The following PCDHA6 variants were observed in gnomAD, a reference collection of about 807,000 sequenced individuals.
PCDHA6 encodes the protein protocadherin alpha-6.
PCDHA6 carries 55 observed loss-of-function variants against 60.3 expected under a neutral mutation model. The ratio of observed to expected loss-of-function variants is 0.91; its 90% confidence interval spans 0.73 to 1.14. The LOEUF (loss-of-function observed/expected upper bound fraction) is 1.14. PCDHA6 is among the 50% of genes most tolerant of loss of function. The pLI, the probability that PCDHA6 is intolerant of heterozygous loss-of-function variation, is 0.00. For missense variants in PCDHA6, 1,327 were observed against 1,256.5 expected (o/e 1.06, Z -0.85); for synonymous variants, 652 against 557.9 (o/e 1.17, Z -2.38).
chr5:140,831,691 CA>C (rs1278629646), intron 1 of PCDHA6, among the ~76,000 whole-genome samples: 1 of 152,020 alleles, frequency 6.6e-6, no homozygotes, highest in Non-Finnish European at 1.5e-5. Context: ...TGAAAAGCAG[CA>C]AAAAGTAGTG....
chr5:140,858,019 G>A (rs377389644), intron 1 of PCDHA6: 1 of 1,596,850 alleles, frequency 6.3e-7, no homozygotes, highest in Non-Finnish European at 8.6e-7. Flanking sequence ...GCGAGCCGTC[G>A]CTGACGGCCA....
intron 1 of PCDHA6, among the ~76,000 whole-genome samples, chr5:140,961,519 A>G (rs246002): frequency 0.56 from 85,694 of 152,068 alleles, 24,757 homozygotes; most frequent in African/African-American, 0.69. Flanking sequence ...ATGTCTCCAC[A>G]AATTCTAGAT....
At chr5:140,957,531 G>A (rs2095365025) in intron 1 of PCDHA6, among the ~76,000 whole-genome samples, 1 of 152,080 alleles carries the variant, frequency 6.6e-6, no homozygotes, top group Non-Finnish European at 1.5e-5. Flanking sequence ...ATTCAGTGGG[G>A]ATCTTAGAAA....
intron 1 of PCDHA6, chr5:140,926,622 G>A: frequency 2.5e-6 from 1 of 396,424 alleles, no homozygotes. Context: ...CCCCTAGGCG[G>A]CGCTGCGCTC....
intron 1 of PCDHA6, among the ~76,000 whole-genome samples, chr5:140,890,187 CAG>C (rs2062529084): frequency 1.3e-5 from 2 of 152,228 alleles, no homozygotes; most frequent in South Asian, 4.1e-4. Context: ...TGCTACAAAA[CAG>C]AGTTTTTTGT....
intron 1 of PCDHA6, chr5:140,870,188 C>T: frequency 6.2e-7 from 1 of 1,614,142 alleles, no homozygotes; most frequent in Non-Finnish European, 8.5e-7. Flanking sequence ...CGAGAGGACG[C>T]TCAGCCCAGC....
chr5:140,968,203 G>A, intron 1 of PCDHA6: 5 of 1,614,018 alleles, frequency 3.1e-6, no homozygotes, highest in Non-Finnish European at 4.2e-6. Context: ...TCTACATACA[G>A]GAGAACAATT....
chr5:140,862,618 C>A (rs532330556), intron 1 of PCDHA6: 10 of 526,556 alleles, frequency 1.9e-5, no homozygotes, highest in South Asian at 1.3e-4. Flanking sequence ...AGGTAACAAC[C>A]CGCGGGGCTG....
intron 1 of PCDHA6, among the ~76,000 whole-genome samples, chr5:140,955,134 C>T (rs868995724): frequency 3.3e-5 from 5 of 152,022 alleles, no homozygotes; most frequent in African/African-American, 1.2e-4. Context: ...CTGGTCTACA[C>T]GTCTGTTTTT....
chr5:140,855,249 C>A (rs910025262), intron 1 of PCDHA6, among the ~76,000 whole-genome samples: 1 of 149,670 alleles, frequency 6.7e-6, no homozygotes, highest in African/African-American at 2.4e-5. Flanking sequence ...ATTGCAAGCA[C>A]TTACTATATT....
At chr5:140,867,399 A>C (rs1001723593) in intron 1 of PCDHA6, 2 of 152,166 alleles carry the variant, frequency 1.3e-5, no homozygotes, top group African/African-American at 4.8e-5. Flanking sequence ...AAAAGTTGAT[A>C]TGTCTCCTTT....
At position 140,950,714 on chromosome 5, in the gene PCDHA6, TA is replaced by T. The variant is rs554168605; in HGVS notation, c.2395-28234del. On this transcript the variant is annotated intron_variant, in intron 1 of 3. Coordinates refer to ENST00000529310, the MANE Select transcript of PCDHA6 (RefSeq NM_018909.4). ...AAATTTGACAAATTTTTGTTCCTTA[TA>T]TCCTTAAATTTTTTAATCCTAATTT... Among the ~76,000 whole-genome samples the T allele has an allele frequency of 2.0e-3, 304 of 152,244 alleles. 4 individuals are homozygous for T. The highest frequency in any genetic ancestry group is 6.6e-3 in the African/African-American group (275 of 41,574).
chr5:140,914,944 CTTTTTT>C (rs35695909), intron 1 of PCDHA6, among the ~76,000 whole-genome samples: 1 of 128,266 alleles, frequency 7.8e-6, no homozygotes, highest in Non-Finnish European at 1.7e-5. Flanking sequence ...GAAAAGTTGT[CTTTTTT>C]TTTTTTTTTT....
At position 140,858,437 on chromosome 5, in the gene PCDHA6, G is replaced by T. The variant is rs1343643925; in HGVS notation, c.2394+27952G>T. The T allele has an allele frequency of 4.5e-6, 7 of 1,541,950 alleles. 1 individual carries two copies. In the Admixed American group the frequency reaches 1.4e-4, roughly 30 times the overall value. Reference sequence around the variant, plus strand: ...TATTGGAGGGGACCACTCTAGGAAGGTGGGTTATTACGTTTTCATTTTCCT... The same window carrying T: ...TATTGGAGGGGACCACTCTAGGAAGTTGGGTTATTACGTTTTCATTTTCCT... On this transcript the variant is annotated intron_variant, in intron 1 of 3. Coordinates refer to ENST00000529310, the MANE Select transcript of PCDHA6 (RefSeq NM_018909.4).
chr5:140,841,903 C>T lies in PCDHA6; in HGVS notation c.2394+11418C>T, dbSNP rs1318755251. ...ACGATGAGAATAAACTGGTTGAGCT[C>T]GTATTAAGAAAATCCTTGGACAGAG... On this transcript the variant is annotated intron_variant, in intron 1 of 3. Transcript: ENST00000529310. 1.4e-5 allele frequency: 22 copies of T among 1,613,682 alleles called. 1 individual carries two copies. Among genetic ancestry groups the T allele is most frequent in the Non-Finnish European group, 1.9e-5 (22 of 1,179,842 alleles).
chr5:140,840,887 T>A (rs1359040754), intron 1 of PCDHA6, among the ~76,000 whole-genome samples: 2 of 151,984 alleles, frequency 1.3e-5, no homozygotes, highest in South Asian at 4.1e-4. Context: ...ATTTCTGATA[T>A]CCATGACATA....
intron 1 of PCDHA6, chr5:140,850,880 A>T (rs2150501340): frequency 6.3e-7 from 1 of 1,586,802 alleles, no homozygotes; most frequent in African/African-American, 1.4e-5. Flanking sequence ...CCTCAGATTC[A>T]ACTGGGAAGG....
At chr5:140,858,889 A>G (rs1265560651) in intron 1 of PCDHA6, 1 of 236,296 alleles carries the variant, frequency 4.2e-6, no homozygotes. Context: ...CATGTGTAGA[A>G]TATGTGTAGC....
At chr5:140,925,978 T>G (rs2082847274) in intron 1 of PCDHA6, among the ~76,000 whole-genome samples, 1 of 152,164 alleles carries the variant, frequency 6.6e-6, no homozygotes, top group Admixed American at 6.5e-5. Flanking sequence ...AAAAAAGCCT[T>G]GAGCTCGCTG....
Sources: gnomAD v4.1 joint callset for allele counts (sites outside exome capture counted in the v4.1 genomes callset) on GRCh38, gnomAD v4.1.1 for gene constraint, MANE v1.5 for transcripts, NCBI Gene and HGNC (gene_info 2026-07-23, HGNC 2026-07-21) for gene names.